Variants in WWP1 observed in about 807,000 individuals in gnomAD.
WWP1 encodes WW domain containing E3 ubiquitin protein ligase 1, also known as NEDD4-like E3 ubiquitin-protein ligase WWP1.
WWP1 carries 49 observed loss-of-function variants against 130.6 expected under a neutral mutation model. The ratio of observed to expected loss-of-function variants is 0.38; its 90% confidence interval spans 0.30 to 0.48. WWP1 has a LOEUF of 0.48. Among genes scored for constraint, WWP1 ranks in the 20% least tolerant of loss-of-function variants. The pLI, the probability that WWP1 is intolerant of heterozygous loss-of-function variation, is 0.99. For missense variants in WWP1, 809 were observed against 1,100.6 expected, an observed-to-expected ratio of 0.74 and a Z score of 3.75; for synonymous variants, 332 against 367.8, an observed-to-expected ratio of 0.90 and a Z score of 1.11.
chr8:86,362,189 T>TACAAGGC, intron 1 of WWP1, among the ~76,000 whole-genome samples: 5 of 132,740 alleles, frequency 3.8e-5, no homozygotes, highest in African/African-American at 8.9e-5. Flanking sequence ...TATATATATA[T>TACAAGGC]ATATATATAT....
intron 8 of WWP1, among the ~76,000 whole-genome samples, chr8:86,407,727 A>T (rs1421774310): frequency 3.3e-5 from 5 of 152,122 alleles, no homozygotes; most frequent in African/African-American, 4.8e-5. Flanking sequence ...AGTTTTTTTT[A>T]AATTAATAGA....
chr8:86,389,586 CTCTT>C (rs1825498398), intron 5 of WWP1, among the ~76,000 whole-genome samples: 1 of 152,252 alleles, frequency 6.6e-6, no homozygotes. Flanking sequence ...AATCTGATCT[CTCTT>C]TCTTTTCCCC....
chr8:86,379,816 G>C lies in WWP1; in HGVS notation c.71-910G>C, dbSNP rs559794590. 4.6e-5 allele frequency among the ~76,000 whole-genome samples: 7 copies of C among 152,274 alleles called. No individual in the cohort carries two copies. In the East Asian group the frequency reaches 1.4e-3, roughly 29 times the overall value. ...CAGAAAGACAAGTTAATAGTACCTGGCAGGGATGTTAATGGGCATGTTGAA... is the reference window on the plus strand; with the variant it reads ...CAGAAAGACAAGTTAATAGTACCTGCCAGGGATGTTAATGGGCATGTTGAA... On this transcript the variant is annotated intron_variant, in intron 3 of 24. Transcript: ENST00000517970.
chr8:86,403,868 A>G (rs1158293542), intron 8 of WWP1, among the ~76,000 whole-genome samples: 2 of 152,198 alleles, frequency 1.3e-5, no homozygotes, highest in East Asian at 3.9e-4. Context: ...GGTGAAATTA[A>G]TGAGCAAAGT....
At chr8:86,438,009 C>T (rs979908530) in intron 16 of WWP1, among the ~76,000 whole-genome samples, 2 of 152,094 alleles carry the variant, frequency 1.3e-5, no homozygotes, top group African/African-American at 4.8e-5. Flanking sequence ...ACCATGTTAG[C>T]CAGGATGGTC....
intron 16 of WWP1, among the ~76,000 whole-genome samples, chr8:86,438,264 G>A (rs1405082729): frequency 6.6e-6 from 1 of 152,180 alleles, no homozygotes; most frequent in Non-Finnish European, 1.5e-5. Context: ...AGGAGGAAGA[G>A]GGCTTGGCCT....
At chr8:86,455,919 A>C (rs973398964) in intron 21 of WWP1, among the ~76,000 whole-genome samples, 6 of 151,990 alleles carry the variant, frequency 3.9e-5, no homozygotes, top group Admixed American at 1.3e-4. Context: ...AGAATAGACA[A>C]ATTGGTGGAA....
At chr8:86,457,154 G>GA (rs1811492849) in intron 21 of WWP1, among the ~76,000 whole-genome samples, 1 of 151,504 alleles carries the variant, frequency 6.6e-6, no homozygotes, top group Non-Finnish European at 1.5e-5. Flanking sequence ...GTTGACTTAC[G>GA]AAAAAAACTA....
intron 18 of WWP1, among the ~76,000 whole-genome samples, chr8:86,443,035 G>A (rs1207128769): frequency 6.6e-6 from 1 of 151,998 alleles, no homozygotes; most frequent in African/African-American, 2.4e-5. Context: ...CCCATTTATA[G>A]TATGACTACT....
At chr8:86,459,858 G>C (rs1025898231) in intron 22 of WWP1, among the ~76,000 whole-genome samples, 13 of 152,164 alleles carry the variant, frequency 8.5e-5, no homozygotes, top group Admixed American at 5.9e-4. Flanking sequence ...TTTCTGAATT[G>C]GGTTTCTTTT....
At chr8:86,425,638 T>A (rs1809580135) in intron 10 of WWP1, among the ~76,000 whole-genome samples, 1 of 152,172 alleles carries the variant, frequency 6.6e-6, no homozygotes, top group Non-Finnish European at 1.5e-5. Flanking sequence ...TGGATAGTGA[T>A]CTAAACTATG....
At chr8:86,374,879 T>TA (rs1824539316) in intron 3 of WWP1, among the ~76,000 whole-genome samples, 1 of 151,760 alleles carries the variant, frequency 6.6e-6, no homozygotes. Flanking sequence ...CTGGCTAATT[T>TA]AAAAAAAAAT....
chr8:86,464,358 CTA>C (rs953253819), intron 24 of WWP1, among the ~76,000 whole-genome samples: 1 of 152,128 alleles, frequency 6.6e-6, no homozygotes, highest in Non-Finnish European at 1.5e-5. Context: ...ACTCTTTCCA[CTA>C]TTTTTTTTGG....
intron 1 of WWP1, among the ~76,000 whole-genome samples, chr8:86,351,198 A>C (rs553292174): frequency 1.2e-4 from 18 of 152,350 alleles, no homozygotes; most frequent in African/African-American, 4.3e-4. Flanking sequence ...TAAGCCCTTA[A>C]ATCATGTTTA....
intron 18 of WWP1, among the ~76,000 whole-genome samples, chr8:86,447,766 A>T (rs1184595633): frequency 2.0e-5 from 3 of 152,202 alleles, no homozygotes; most frequent in African/African-American, 7.2e-5. Context: ...AAAGCCTCAC[A>T]GGCAGCAGTG....
chr8:86,383,157 G>A (rs1825077057), intron 5 of WWP1, among the ~76,000 whole-genome samples: 1 of 145,872 alleles, frequency 6.9e-6, no homozygotes, highest in Non-Finnish European at 1.5e-5. Flanking sequence ...AGCATTGTAA[G>A]TTTGATTCTC....
In WWP1 at chr8:86,342,760, C is replaced by T. The variant is rs1822269767; in HGVS notation, c.-285C>T. The T allele has an allele frequency of 5.5e-6, 2 of 365,326 alleles. No homozygotes were observed. The highest frequency in any genetic ancestry group is 9.8e-6 in the Non-Finnish European group (2 of 204,758). 22.6% of individuals were successfully genotyped at this position (365,326 alleles called of 1,614,324 possible). Reference sequence around the variant, plus strand: ...GTCGGCGAGCTCCGCGTGCGGGTTCCGAGTGGCTGCTGGCGGCCTGGGCTG... The same window carrying T: ...GTCGGCGAGCTCCGCGTGCGGGTTCTGAGTGGCTGCTGGCGGCCTGGGCTG... On this transcript the variant is annotated 5_prime_UTR_variant, in exon 1 of 25. Transcript: ENST00000517970.
intron 1 of WWP1, among the ~76,000 whole-genome samples, chr8:86,362,039 TATATATACACAC>T (rs1021096547): frequency 5.6e-5 from 7 of 125,480 alleles, no homozygotes; most frequent in Admixed American, 1.6e-4. Flanking sequence ...TACACACACA[TATATATACACAC>T]ATATATACAC....
intron 14 of WWP1, among the ~76,000 whole-genome samples, chr8:86,434,585 T>G (rs776480662): frequency 1.3e-5 from 2 of 152,346 alleles, no homozygotes; most frequent in Middle Eastern, 6.8e-3. Context: ...CAATGCCTTT[T>G]TTATTGTTTT....
Sources: gnomAD v4.1 joint callset for allele counts (sites outside exome capture counted in the v4.1 genomes callset) on GRCh38, gnomAD v4.1.1 for gene constraint, MANE v1.5 for transcripts, NCBI Gene and HGNC (gene_info 2026-07-23, HGNC 2026-07-21) for gene names.